Variants in NAALADL2 observed in about 807,000 individuals in gnomAD.
The protein encoded by NAALADL2 is N-acetylated alpha-linked acidic dipeptidase like 2.
A neutral mutation model predicts 87.2 loss-of-function variants in NAALADL2; 76 were observed. The ratio of observed to expected loss-of-function variants is 0.87; its 90% CI spans 0.72 to 1.05. The LOEUF (loss-of-function observed/expected upper bound fraction) is 1.05, where lower values mean the gene tolerates loss of function less well. Ranked by LOEUF, NAALADL2 falls within the 50% of genes least tolerant of loss-of-function variation. NAALADL2 has a pLI of 0.00. For synonymous variants in NAALADL2, 354 were observed against 331.0 expected (o/e 1.07, Z -0.75); for missense variants, 1,089 against 945.8 (o/e 1.15, Z -1.99).
intron 9 of NAALADL2, among the ~76,000 whole-genome samples, chr3:175,474,584 A>G (rs1163279694): frequency 6.6e-6 from 1 of 152,202 alleles, no homozygotes; most frequent in Non-Finnish European, 1.5e-5. Flanking sequence ...TCTTCAATGT[A>G]CAGCTTGATG....
intron 2 of NAALADL2, among the ~76,000 whole-genome samples, chr3:174,647,171 A>T (rs543183671): frequency 6.6e-6 from 1 of 152,330 alleles, no homozygotes; most frequent in East Asian, 1.9e-4. Flanking sequence ...TCACAGCAAC[A>T]CTATAATGTA....
At chr3:175,439,886 T>G (rs1456519656) in intron 5 of NAALADL2, among the ~76,000 whole-genome samples, 1 of 152,110 alleles carries the variant, frequency 6.6e-6, no homozygotes, top group African/African-American at 2.4e-5. Flanking sequence ...AGCATTTTAG[T>G]TTAATTAAGT....
At chr3:175,167,064 G>T (rs1734108064) in intron 2 of NAALADL2, among the ~76,000 whole-genome samples, 1 of 151,892 alleles carries the variant, frequency 6.6e-6, no homozygotes, top group Non-Finnish European at 1.5e-5. Flanking sequence ...CTTCCCATAG[G>T]ATCTTCCTGT....
intron 9 of NAALADL2, among the ~76,000 whole-genome samples, chr3:175,475,052 G>C (rs1467227414): frequency 1.6e-5 from 2 of 128,712 alleles, no homozygotes; most frequent in African/African-American, 5.5e-5. Flanking sequence ...CACACACTTA[G>C]TATTGTATAT....
chr3:175,090,490 G>A (rs1182820356), intron 1 of NAALADL2, among the ~76,000 whole-genome samples: 2 of 151,948 alleles, frequency 1.3e-5, no homozygotes, highest in African/African-American at 4.8e-5. Context: ...TGGCCTACTC[G>A]GGGAACTAGC....
intron 2 of NAALADL2, among the ~76,000 whole-genome samples, chr3:175,180,933 C>T (rs866266800): frequency 6.6e-6 from 1 of 151,974 alleles, no homozygotes. Flanking sequence ...ATAGACTGAG[C>T]TGAATTTGAT....
chr3:175,584,698 A>T (rs2149584670), intron 10 of NAALADL2, among the ~76,000 whole-genome samples: 1 of 152,352 alleles, frequency 6.6e-6, no homozygotes, highest in South Asian at 2.1e-4. Flanking sequence ...ATGATACTGT[A>T]GACTGTACTG....
intron 2 of NAALADL2, among the ~76,000 whole-genome samples, chr3:174,713,387 C>T (rs896950119): frequency 2.0e-5 from 3 of 152,168 alleles, no homozygotes; most frequent in African/African-American, 4.8e-5. Flanking sequence ...ACACTGACTT[C>T]CACAACGGTT....
At chr3:174,953,189 T>C (rs1418855728) in intron 1 of NAALADL2, among the ~76,000 whole-genome samples, 7 of 151,894 alleles carry the variant, frequency 4.6e-5, no homozygotes, top group Non-Finnish European at 1.0e-4. Flanking sequence ...AAATGAGGTC[T>C]TGTTTCAGAA....
chr3:175,570,029 A>G (rs918302453), intron 9 of NAALADL2, among the ~76,000 whole-genome samples: 3 of 152,198 alleles, frequency 2.0e-5, no homozygotes, highest in East Asian at 3.8e-4. Context: ...GAGCTAAGAG[A>G]GACAATAGTG....
intron 2 of NAALADL2, among the ~76,000 whole-genome samples, chr3:175,123,975 TAAGGA>T (rs1726543198): frequency 6.6e-6 from 1 of 151,970 alleles, no homozygotes; most frequent in East Asian, 1.9e-4. Context: ...TTTTTCCTCT[TAAGGA>T]AAGAGAAAAG....
intron 6 of NAALADL2, 123 bp from the exon 7 acceptor site, chr3:175,463,278 A>G: frequency 3.4e-6 from 2 of 595,100 alleles, no homozygotes; most frequent in Non-Finnish European, 2.9e-6. Context: ...ATAACTGGCT[A>G]TCTGAGAACA....
At chr3:174,766,958 G>A (rs1050466744) in intron 3 of NAALADL2, among the ~76,000 whole-genome samples, 3 of 152,150 alleles carry the variant, frequency 2.0e-5, no homozygotes, top group Non-Finnish European at 4.4e-5. Flanking sequence ...ACAATTCCTG[G>A]GTGTGCCATT....
At chr3:175,087,091 T>G (rs1325813321) in intron 1 of NAALADL2, among the ~76,000 whole-genome samples, 1 of 152,224 alleles carries the variant, frequency 6.6e-6, no homozygotes, top group Non-Finnish European at 1.5e-5. Flanking sequence ...TTGTTTATCT[T>G]GAGACATAGG....
chr3:174,846,643 T>C (rs755654803), intron 3 of NAALADL2, among the ~76,000 whole-genome samples: 17 of 152,324 alleles, frequency 1.1e-4, no homozygotes, highest in Middle Eastern at 6.8e-3. Context: ...AATATGATTA[T>C]GTATGTATGA....
chr3:174,672,488 A>G (rs567578205), intron 2 of NAALADL2, among the ~76,000 whole-genome samples: 3 of 152,088 alleles, frequency 2.0e-5, no homozygotes, highest in Admixed American at 6.6e-5. Context: ...TCTGGATCTT[A>G]TGTTCTAGCA....
At chr3:175,771,066 A>C (rs1749419985) in intron 13 of NAALADL2, among the ~76,000 whole-genome samples, 1 of 152,192 alleles carries the variant, frequency 6.6e-6, no homozygotes, top group Non-Finnish European at 1.5e-5. Flanking sequence ...ATATGTAGTA[A>C]AATATTTTTC....
chr3:175,232,975 A>G (rs1745208326), intron 2 of NAALADL2, among the ~76,000 whole-genome samples: 1 of 152,168 alleles, frequency 6.6e-6, no homozygotes, highest in African/African-American at 2.4e-5. Context: ...ACTATACAAA[A>G]TTTTTAACAG....
intron 5 of NAALADL2, among the ~76,000 whole-genome samples, chr3:175,401,727 G>A (rs1376787481): frequency 1.3e-5 from 2 of 151,992 alleles, no homozygotes; most frequent in Non-Finnish European, 2.9e-5. Flanking sequence ...TCATATATGT[G>A]GTCTGCCATT....
Sources: allele counts gnomAD v4.1 joint callset (sites outside exome capture counted in the v4.1 genomes callset), GRCh38; gene constraint gnomAD v4.1.1; transcripts MANE v1.5; gene names NCBI Gene and HGNC (gene_info 2026-07-23, HGNC 2026-07-21).